Variants in TRPC3 observed in about 807,000 individuals in gnomAD.
The protein encoded by TRPC3 is short transient receptor potential channel 3.
TRPC3 carries 54 observed loss-of-function variants against 90.9 expected under a neutral mutation model. That is an observed-to-expected ratio of 0.59 (90% CI 0.48 to 0.75). TRPC3 has a LOEUF of 0.75. TRPC3 is among the 30% of genes least tolerant of loss of function. The pLI is 0.00. For missense variants in TRPC3, 918 were observed against 1,194.5 expected (o/e 0.77, Z 3.41); for synonymous variants, 424 against 450.9 (o/e 0.94, Z 0.75).
intron 10 of TRPC3, among the ~76,000 whole-genome samples, chr4:121,890,998 A>T (rs1285375373): frequency 6.6e-6 from 1 of 151,984 alleles, no homozygotes; most frequent in African/African-American, 2.4e-5. Flanking sequence ...CTTAAAAAAC[A>T]AAAAAATAGA....
chr4:121,884,415 G>T (rs191090117), intron 10 of TRPC3, among the ~76,000 whole-genome samples: 213 of 152,216 alleles, frequency 1.4e-3, no homozygotes, highest in Middle Eastern at 3.4e-3. Context: ...CAGGTCGGTG[G>T]TGGTTTCATA....
intron 2 of TRPC3, among the ~76,000 whole-genome samples, chr4:121,927,515 A>G (rs1394657845): frequency 6.6e-6 from 1 of 152,202 alleles, no homozygotes; most frequent in Non-Finnish European, 1.5e-5. Context: ...CCATATTACT[A>G]AGTAATATTT....
chr4:121,945,889 C>A (rs755418777), intron 1 of TRPC3, among the ~76,000 whole-genome samples: 2 of 152,050 alleles, frequency 1.3e-5, no homozygotes, highest in South Asian at 2.1e-4. Flanking sequence ...AGGAAAAAAA[C>A]CCCTGGATCT....
chr4:121,879,655 A>G lies in TRPC3; in HGVS notation c.*81T>C. ...GTAGTTAATACTAAAAATTTACATC[A>G]TAGTTTTTCAAGTATTTCATACTTA... On this transcript the variant is annotated 3_prime_UTR_variant, in exon 12 of 12. Transcript: ENST00000379645. 2 of 1,478,108 alleles carry G rather than the reference A, an allele frequency of 1.4e-6. No homozygotes were observed. Among genetic ancestry groups the G allele is most frequent in the Non-Finnish European group, 1.8e-6 (2 of 1,098,112 alleles). 91.6% of individuals were successfully genotyped at this position (1,478,108 alleles called of 1,614,324 possible).
At chr4:121,884,217 C>T (rs923267697) in intron 10 of TRPC3, among the ~76,000 whole-genome samples, 1 of 151,988 alleles carries the variant, frequency 6.6e-6, no homozygotes, top group Non-Finnish European at 1.5e-5. Context: ...AGCTCAATAA[C>T]AAGTAAATCT....
At chr4:121,916,055 A>T (rs1031047740) in intron 3 of TRPC3, among the ~76,000 whole-genome samples, 2 of 152,224 alleles carry the variant, frequency 1.3e-5, no homozygotes, top group African/African-American at 4.8e-5. Context: ...ACTGAGAAAC[A>T]GAGTAGCTGC....
At chr4:121,916,957 C>T (rs910195872) in intron 3 of TRPC3, among the ~76,000 whole-genome samples, 2 of 152,052 alleles carry the variant, frequency 1.3e-5, no homozygotes, top group African/African-American at 4.8e-5. Context: ...TCAGGTGATC[C>T]GCCCGCCTCA....
At position 121,929,023 on chromosome 4, in the gene TRPC3, T is replaced by A. The variant is rs543893637; in HGVS notation, c.987+3248A>T. 2.6e-5 allele frequency among the ~76,000 whole-genome samples: 4 copies of A among 152,316 alleles called. No individual in the cohort carries two copies. The East Asian group carries it at 7.7e-4, about 29-fold the overall frequency. ...TGGAATTCACTTTACCTCTCTGACA[T>A]GAATAATCCTACCCAATATTGGTAC... is the stretch of plus-strand genomic sequence containing the variant. On this transcript the variant is annotated intron_variant, in intron 2 of 11. Coordinates refer to ENST00000379645, the MANE Select transcript of TRPC3 (RefSeq NM_001130698.2).
intron 2 of TRPC3, among the ~76,000 whole-genome samples, chr4:121,931,678 T>C (rs17005309): frequency 0.029 from 4,398 of 152,268 alleles, 190 homozygotes; most frequent in African/African-American, 0.1. Context: ...CATTTTGTCA[T>C]ATCAGTGAAG....
intron 2 of TRPC3, chr4:121,930,926 G>T (rs1729890087): frequency 7.9e-6 from 2 of 253,932 alleles, no homozygotes; most frequent in African/African-American, 2.4e-5. Context: ...TAGATATAAG[G>T]TAAGACTTAC....
rs941939369 is a variant in TRPC3 at position 121,951,741 on chromosome 4, A to G, written c.-61T>C. The G allele has an allele frequency of 3.2e-6, 4 of 1,251,618 alleles. No individual in the cohort carries two copies. Among genetic ancestry groups the G allele is most frequent in the Non-Finnish European group, 3.1e-6 (3 of 980,088 alleles). The allele number at this position is 1,251,618 out of a possible 1,614,324, so 77.5% of individuals were successfully genotyped here. ...TGCCGGCCTCCTCCGCCTTCGCGGC[A>G]GTGCAGTCTTCCCGCGGCGCCCCTT... On this transcript the variant is annotated 5_prime_UTR_variant, in exon 1 of 12. Transcript: ENST00000379645. This position sits in a 1 kb window ranked among gnomAD's most constrained non-coding sequence, Gnocchi z 4.4.
At chr4:121,904,925 G>A (rs1169207013) in intron 7 of TRPC3, among the ~76,000 whole-genome samples, 2 of 152,098 alleles carry the variant, frequency 1.3e-5, no homozygotes, top group Non-Finnish European at 2.9e-5. Context: ...CAATTTTTAA[G>A]AAGTATGTAA....
chr4:121,949,445 G>A (rs1730605818), intron 1 of TRPC3, among the ~76,000 whole-genome samples: 1 of 152,088 alleles, frequency 6.6e-6, no homozygotes, highest in Non-Finnish European at 1.5e-5. Flanking sequence ...ATGCTGTTCC[G>A]TCTCCTGAAA....
In TRPC3 at chr4:121,932,190, G is replaced by A; in HGVS notation, c.987+81C>T. On this transcript the variant is annotated intron_variant, in intron 2 of 11. Coordinates refer to ENST00000379645, the MANE Select transcript of TRPC3 (RefSeq NM_001130698.2). This position sits in a 1 kb window ranked among gnomAD's most constrained non-coding sequence, Gnocchi z 7.7. ...CACTGGGCAAAACCGAATGTGGAGC[G>A]AACGGTGGCAGAGCAGGCCAGGCAG... The A allele has an allele frequency of 6.4e-7, 1 of 1,554,198 alleles. No individual in the cohort carries two copies. The highest frequency in any genetic ancestry group is 1.2e-5 in the South Asian group (1 of 80,462).
chr4:121,933,964 T>G (rs1267181497), intron 1 of TRPC3, among the ~76,000 whole-genome samples: 1 of 152,246 alleles, frequency 6.6e-6, no homozygotes. Context: ...ATTTGCCTCT[T>G]GGAACTGAAA....
intron 9 of TRPC3, among the ~76,000 whole-genome samples, chr4:121,900,197 C>T (rs1312541362): frequency 1.3e-5 from 2 of 152,194 alleles, no homozygotes; most frequent in African/African-American, 4.8e-5. Context: ...GCCAGGTTCA[C>T]AATTTTGGAG....
At chr4:121,903,274 C>T (rs1294486725) in intron 8 of TRPC3, among the ~76,000 whole-genome samples, 1 of 152,084 alleles carries the variant, frequency 6.6e-6, no homozygotes, top group African/African-American at 2.4e-5. Context: ...CCTGTACCCA[C>T]TGAAATTTAA....
At chr4:121,944,287 G>A (rs2149153879) in intron 1 of TRPC3, among the ~76,000 whole-genome samples, 1 of 152,094 alleles carries the variant, frequency 6.6e-6, no homozygotes, top group Non-Finnish European at 1.5e-5. Flanking sequence ...CCCTGAAACA[G>A]GAAATCTCAA....
At position 121,932,928 on chromosome 4, in the gene TRPC3, G is replaced by A. The variant is rs1420158340; in HGVS notation, c.330C>T (p.Thr110=). 2.5e-6 allele frequency: 4 copies of A among 1,614,006 alleles called. No individual in the cohort carries two copies. The highest frequency in any genetic ancestry group is 1.3e-5 in the African/African-American group (1 of 75,064). Residue 110 remains threonine, a synonymous_variant, in exon 2 of 12, where the codon ACC becomes ACT. Coordinates refer to ENST00000379645, the MANE Select transcript of TRPC3 (RefSeq NM_001130698.2). The surrounding 1 kb of genome is among the most constrained non-coding windows in gnomAD (Gnocchi z 7.7). ...CGTCGAGGAAGCGCTCCTCCTCGGC[G>A]GTGAGGCTGGTGCCGCGGTCATTGA... ...FMFNDRGTSL[T]AEEERFLDAA...
Sources: gnomAD v4.1 joint callset for allele counts (sites outside exome capture counted in the v4.1 genomes callset) on GRCh38, gnomAD v4.1.1 for gene constraint, Gnocchi (gnomAD v3.1) non-coding constraint, MANE v1.5 for transcripts, NCBI Gene and HGNC (gene_info 2026-07-23, HGNC 2026-07-21) for gene names.